The following SMIM9 variants were observed in gnomAD, a reference collection of about 807,000 sequenced individuals.
SMIM9 encodes the protein small integral membrane protein 9, also known as chromosome X open reading frame 68.
In SMIM9, 8 loss-of-function variants were observed where a neutral mutation model predicts 7.2. The ratio of observed to expected loss-of-function variants is 1.10; its 90% confidence interval spans 0.65 to 1.99. The LOEUF (loss-of-function observed/expected upper bound fraction) is 1.99, where lower values mean the gene tolerates loss of function less well. Ranked by LOEUF, SMIM9 falls within the 30% of genes most tolerant of loss-of-function variation. SMIM9 has a pLI of 0.00. For synonymous variants in SMIM9, 19 were observed against 26.4 expected, an observed-to-expected ratio of 0.72 and a Z score of 0.86; for missense variants, 76 against 69.3, an observed-to-expected ratio of 1.10 and a Z score of -0.34.
chrX:154,824,253 A>G (rs952414803), intron 4 of SMIM9, among the ~76,000 whole-genome samples: 3 of 104,943 alleles, frequency 2.9e-5, no homozygotes, highest in Non-Finnish European at 5.8e-5. Flanking sequence ...GCTACTCGGG[A>G]GGCTGAGGCA....
intron 1 of SMIM9, among the ~76,000 whole-genome samples, chrX:154,833,611 G>A (rs1261514993): frequency 2.7e-5 from 3 of 110,719 alleles, no homozygotes; most frequent in Non-Finnish European, 5.7e-5. Context: ...GGGGACATGA[G>A]GGGCTTAAAA....
At chrX:154,824,715 A>G (rs1174929320) in intron 4 of SMIM9, among the ~76,000 whole-genome samples, 1 of 112,291 alleles carries the variant, frequency 8.9e-6, no homozygotes, top group Non-Finnish European at 1.9e-5. Flanking sequence ...CCATTTCTTC[A>G]CTATCGTAAA....
In SMIM9 at chrX:154,823,756, C is replaced by T; in HGVS notation, c.299G>A (p.Ter100=). The T allele has an allele frequency of 1.7e-6, 2 of 1,163,503 alleles. No individual in the cohort carries two copies. The highest frequency in any genetic ancestry group is 2.3e-6 in the Non-Finnish European group (2 of 871,234). The part of the protein sequence containing the change: ...FTILVVDPVH[*] ...TGCCCTGTTGAATCTTCTAGTTCTT[C>T]AGTGGACTGGATCAACTACAAGAAT... Residue 100 remains the stop codon, a stop_retained_variant, in exon 5 of 5, where the codon TGA becomes TAA. Transcript: ENST00000369529.
rs1181360857 is a variant in SMIM9, at chrX:154,825,339, C to A, written c.273-1557G>T. Among the ~76,000 whole-genome samples, 3 of 107,935 alleles carry A rather than the reference C, an allele frequency of 2.8e-5. No homozygotes were observed. The East Asian group carries it at 8.7e-4, about 31-fold the overall frequency. 93.7% of individuals were successfully genotyped at this position (107,935 alleles called of 115,157 possible). A position where few individuals can be genotyped will look rare whatever the true frequency, so the allele number is the denominator to read the frequency against. The stretch of plus-strand genomic sequence containing the variant: ...CCCGGGAAGCAGAGGTTGCAGTGAG[C>A]CGAGATGGTGCCACTGCACTCCAGC... On this transcript the variant is annotated intron_variant, in intron 4 of 4. Transcript: ENST00000369529.
chrX:154,834,624 G>C lies in SMIM9; in HGVS notation c.-271C>G, dbSNP rs2072460966. On this transcript the variant is annotated 5_prime_UTR_variant, in exon 1 of 5. Transcript: ENST00000369529. ...TGAGATTGGAGTCATGTATCTGCTG[G>C]GACTGCAGTCATCTGAAAGCTTGAC... The C allele has an allele frequency of 9.0e-6, 1 of 111,401 alleles. No homozygotes were observed. Among genetic ancestry groups the C allele is most frequent in the Non-Finnish European group, 1.9e-5 (1 of 53,015 alleles). The allele number at this position is 111,401 out of a possible 1,213,427, so 9.2% of individuals were successfully genotyped here. A position where few individuals can be genotyped will look rare whatever the true frequency, so the allele number is the denominator to read the frequency against.
chrX:154,831,679 T>G (rs1481320815), intron 2 of SMIM9, among the ~76,000 whole-genome samples: 1 of 111,631 alleles, frequency 9.0e-6, no homozygotes, highest in African/African-American at 3.3e-5. Flanking sequence ...TGACCACATA[T>G]CCTATGAGTC....
At chrX:154,823,995 T>G (rs1250907422) in intron 4 of SMIM9, among the ~76,000 whole-genome samples, 1 of 111,820 alleles carries the variant, frequency 8.9e-6, no homozygotes, top group Non-Finnish European at 1.9e-5. Flanking sequence ...TTAGGTAGTT[T>G]TTCTTCTTTT....
At chrX:154,826,555 C>T (rs1181428991) in intron 4 of SMIM9, among the ~76,000 whole-genome samples, 1 of 112,138 alleles carries the variant, frequency 8.9e-6, no homozygotes, top group South Asian at 3.7e-4. Context: ...CCATGCCCGA[C>T]CTTAGCTATT....
At chrX:154,831,058 T>C (rs782758076) in intron 2 of SMIM9, 103 bp from the exon 3 acceptor site, 14 of 384,079 alleles carry the variant, frequency 3.6e-5, no homozygotes, top group Non-Finnish European at 5.7e-5. Context: ...CTCCTGAAAA[T>C]GGTCAGTTTC....
chrX:154,832,250 T>A (rs2072448735), intron 2 of SMIM9, among the ~76,000 whole-genome samples: 1 of 111,445 alleles, frequency 9.0e-6, no homozygotes, highest in Admixed American at 9.6e-5. Context: ...TAGCTCTGGA[T>A]AATGAAACAT....
At chrX:154,831,749 C>G (rs1225693456) in intron 2 of SMIM9, among the ~76,000 whole-genome samples, 1 of 110,531 alleles carries the variant, frequency 9.0e-6, no homozygotes, top group Non-Finnish European at 1.9e-5. Context: ...AGGCATGTTC[C>G]TACCTTGGGG....
Position 154,828,550 on chromosome X carries a change from C to T in SMIM9, c.272+985G>A, listed in dbSNP as rs2072431225. ...CATCTGAAGCAAATGTTGGGACCTT[C>T]GAAGCTGGTGTCCTTCTTTTTCATG... is the stretch of plus-strand genomic sequence containing the variant. On this transcript the variant is annotated intron_variant, in intron 4 of 4. Coordinates refer to ENST00000369529, the MANE Select transcript of SMIM9 (RefSeq NM_001162936.4). Among the ~76,000 whole-genome samples the T allele has an allele frequency of 3.6e-5, 4 of 111,318 alleles. No individual in the cohort carries two copies. In the South Asian group the frequency reaches 1.5e-3, roughly 42 times the overall value.
intron 2 of SMIM9, among the ~76,000 whole-genome samples, chrX:154,831,967 T>A (rs1557270616): frequency 9.0e-6 from 1 of 110,863 alleles, no homozygotes; most frequent in Non-Finnish European, 1.9e-5. Flanking sequence ...CAGAACCTAG[T>A]AGAATATATT....
Position 154,823,613 on chromosome X carries a change from G to A in SMIM9, c.*142C>T. The stretch of plus-strand genomic sequence containing the variant: ...AATTGCAACTTTTGAAGGAGAAAAT[G>A]AAGGCAAAGGATGATTCAAGTTGGA... On this transcript the variant is annotated 3_prime_UTR_variant, in exon 5 of 5. Coordinates refer to ENST00000369529, the MANE Select transcript of SMIM9 (RefSeq NM_001162936.4). 2 of 503,985 alleles carry A rather than the reference G, an allele frequency of 4.0e-6. No homozygotes were observed. The highest frequency in any genetic ancestry group is 1.0e-4 in the Admixed American group (2 of 19,194). 41.5% of individuals were successfully genotyped at this position (503,985 alleles called of 1,213,427 possible). A position where few individuals can be genotyped will look rare whatever the true frequency, so the allele number is the denominator to read the frequency against.
intron 4 of SMIM9, among the ~76,000 whole-genome samples, chrX:154,825,508 G>A (rs1266870283): frequency 9.0e-6 from 1 of 111,155 alleles, no homozygotes; most frequent in Non-Finnish European, 1.9e-5. Flanking sequence ...GGAAATCGGT[G>A]TGGCGATTCC....
chrX:154,824,756 T>C (rs2072413722), intron 4 of SMIM9, among the ~76,000 whole-genome samples: 1 of 112,390 alleles, frequency 8.9e-6, no homozygotes, highest in Non-Finnish European at 1.9e-5. Context: ...ACACATATCT[T>C]TGTGGACTTG....
intron 4 of SMIM9, among the ~76,000 whole-genome samples, chrX:154,829,003 T>C (rs868938399): frequency 8.9e-6 from 1 of 112,056 alleles, no homozygotes; most frequent in Non-Finnish European, 1.9e-5. Context: ...CCTACCAATT[T>C]GTAATTTTTA....
chrX:154,826,632 C>T (rs1557270257), intron 4 of SMIM9, among the ~76,000 whole-genome samples: 1 of 112,244 alleles, frequency 8.9e-6, no homozygotes. Flanking sequence ...TTTATCTGCC[C>T]TGAGATATTT....
At chrX:154,833,130 C>T (rs782544689) in intron 1 of SMIM9, among the ~76,000 whole-genome samples, 31 of 111,807 alleles carry the variant, frequency 2.8e-4, no homozygotes, top group Non-Finnish European at 3.8e-4. Context: ...GAAAAAGCTA[C>T]TCTAAGCATG....
Sources: allele counts gnomAD v4.1 joint callset (sites outside exome capture counted in the v4.1 genomes callset), GRCh38; gene constraint gnomAD v4.1.1; transcripts MANE v1.5; gene names NCBI Gene and HGNC (gene_info 2026-07-23, HGNC 2026-07-21).